PPP1R9A: variants seen among roughly 807,000 people sequenced by gnomAD.
PPP1R9A encodes protein phosphatase 1 regulatory subunit 9A.
A neutral mutation model predicts 141.9 loss-of-function variants in PPP1R9A; 59 were observed. That is an observed-to-expected ratio of 0.42 (90% CI 0.34 to 0.52). PPP1R9A has a LOEUF of 0.52. PPP1R9A is among the 20% of genes least tolerant of loss of function. PPP1R9A has a pLI of 0.10. For synonymous variants in PPP1R9A, 500 were observed against 569.7 expected, an observed-to-expected ratio of 0.88 and a Z score of 1.74; for missense variants, 1,444 against 1,611.9, an observed-to-expected ratio of 0.90 and a Z score of 1.78.
intron 2 of PPP1R9A, among the ~76,000 whole-genome samples, chr7:95,029,752 C>T (rs1380273597): frequency 6.6e-6 from 1 of 152,152 alleles, no homozygotes; most frequent in Non-Finnish European, 1.5e-5. Context: ...GCATGTCTTT[C>T]CTATCACACT....
chr7:95,034,986 G>A (rs1228090302), intron 2 of PPP1R9A, among the ~76,000 whole-genome samples: 2 of 152,122 alleles, frequency 1.3e-5, no homozygotes, highest in African/African-American at 4.8e-5. Flanking sequence ...ATCTGAACCA[G>A]GCTGTGTTTA....
At chr7:95,107,841 A>T (rs187926493) in intron 2 of PPP1R9A, among the ~76,000 whole-genome samples, 1 of 152,102 alleles carries the variant, frequency 6.6e-6, no homozygotes, top group African/African-American at 2.4e-5. Flanking sequence ...GGGTAAACTG[A>T]TATTTACAGT....
At chr7:95,274,037 A>G (rs778354943) in intron 15 of PPP1R9A, 48 bp from the exon 16 acceptor site, 15 of 1,498,960 alleles carry the variant, frequency 1.0e-5, no homozygotes, top group Non-Finnish European at 1.4e-5. Flanking sequence ...GGAGGATTGA[A>G]AGAGAAAATT....
intron 2 of PPP1R9A, among the ~76,000 whole-genome samples, chr7:95,057,915 G>A (rs1045217767): frequency 2.6e-5 from 4 of 152,122 alleles, no homozygotes; most frequent in Admixed American, 6.6e-5. Flanking sequence ...TAATAGATCA[G>A]GAATTGGGGA....
At chr7:95,069,487 A>G (rs763512101) in intron 2 of PPP1R9A, among the ~76,000 whole-genome samples, 5 of 151,990 alleles carry the variant, frequency 3.3e-5, no homozygotes, top group Non-Finnish European at 7.4e-5. Flanking sequence ...AGGGAGAGAG[A>G]GAAGAAAGGA....
chr7:95,040,982 T>C (rs1431950931), intron 2 of PPP1R9A, among the ~76,000 whole-genome samples: 2 of 152,162 alleles, frequency 1.3e-5, no homozygotes, highest in East Asian at 3.9e-4. Flanking sequence ...CAAACTATAG[T>C]TTGTGATTTC....
chr7:95,263,132 A>G (rs1183571030), intron 12 of PPP1R9A, among the ~76,000 whole-genome samples: 1 of 152,202 alleles, frequency 6.6e-6, no homozygotes, highest in African/African-American at 2.4e-5. Flanking sequence ...GCTTATATCA[A>G]CATGTGGAGA....
intron 14 of PPP1R9A, among the ~76,000 whole-genome samples, chr7:95,273,469 A>G (rs1323095745): frequency 1.3e-5 from 2 of 152,198 alleles, no homozygotes; most frequent in Non-Finnish European, 2.9e-5. Context: ...CTTTGGAGAT[A>G]CGGGAGAAGT....
chr7:95,220,280 C>A (rs1208876821), intron 7 of PPP1R9A, among the ~76,000 whole-genome samples: 1 of 152,096 alleles, frequency 6.6e-6, no homozygotes, highest in Admixed American at 6.6e-5. Context: ...AGGGAAGAAG[C>A]AGCTCTCCTT....
chr7:94,918,763 GA>G (rs1241993942), intron 2 of PPP1R9A, among the ~76,000 whole-genome samples: 1 of 152,160 alleles, frequency 6.6e-6, no homozygotes, highest in Non-Finnish European at 1.5e-5. Context: ...ACTTGAAGAA[GA>G]ATATAGGAGT....
At chr7:95,263,826 G>T (rs1015659644) in intron 12 of PPP1R9A, among the ~76,000 whole-genome samples, 3 of 152,104 alleles carry the variant, frequency 2.0e-5, no homozygotes, top group African/African-American at 7.2e-5. Context: ...TCTGCAACTT[G>T]CTTTACCCAC....
At chr7:95,266,088 T>G (rs1296834015) in intron 12 of PPP1R9A, among the ~76,000 whole-genome samples, 1 of 152,166 alleles carries the variant, frequency 6.6e-6, no homozygotes, top group African/African-American at 2.4e-5. Flanking sequence ...TGATTTTCTC[T>G]CACTTATATT....
rs1045550484 is a variant in PPP1R9A at position 95,251,907 on chromosome 7, C to A, written c.2493+49C>A. 2.5e-6 allele frequency: 4 copies of A among 1,609,182 alleles called. No homozygotes were observed. The Admixed American group carries it at 5.1e-5, about 20-fold the overall frequency. Reference sequence around the variant, plus strand: ...TAAATAATAAGATGGTTTTGCTGTACTTGGAGGGGAGCGCTAGTTTAGAGT... The same window carrying A: ...TAAATAATAAGATGGTTTTGCTGTAATTGGAGGGGAGCGCTAGTTTAGAGT... On this transcript the variant is annotated intron_variant, in intron 11 of 19. Coordinates refer to ENST00000433360, the MANE Select transcript of PPP1R9A (RefSeq NM_001166160.2).
chr7:95,278,012 A>G, intron 16 of PPP1R9A, among the ~76,000 whole-genome samples: 1 of 152,188 alleles, frequency 6.6e-6, no homozygotes, highest in East Asian at 1.9e-4. Flanking sequence ...TGAGAAAATG[A>G]TAAGGAAAGG....
intron 4 of PPP1R9A, among the ~76,000 whole-genome samples, chr7:95,126,060 A>G (rs530147209): frequency 1.7e-4 from 26 of 152,238 alleles, no homozygotes; most frequent in Middle Eastern, 3.4e-3. Context: ...TTCTAATAAA[A>G]TATTTTGCCT....
At chr7:94,998,272 G>C (rs926689429) in intron 2 of PPP1R9A, among the ~76,000 whole-genome samples, 1 of 152,228 alleles carries the variant, frequency 6.6e-6, no homozygotes, top group Admixed American at 6.5e-5. Context: ...TTATAGCTCT[G>C]TTGGTCTCTA....
intron 11 of PPP1R9A, 35 bp downstream of exon 11, chr7:95,251,893 A>G: frequency 5.6e-6 from 9 of 1,610,844 alleles, no homozygotes; most frequent in Non-Finnish European, 6.8e-6. Flanking sequence ...AAATAATAAG[A>G]TGGTTTTGCT....
At chr7:95,024,079 G>A (rs995624335) in intron 2 of PPP1R9A, among the ~76,000 whole-genome samples, 7 of 152,148 alleles carry the variant, frequency 4.6e-5, no homozygotes, top group Non-Finnish European at 1.0e-4. Flanking sequence ...CAGTTTCCAT[G>A]TAATTGTGTG....
chr7:95,251,911 G>C (rs565399980), intron 11 of PPP1R9A, 48 bp from the exon 12 acceptor site: 2 of 1,609,828 alleles, frequency 1.2e-6, no homozygotes, highest in Middle Eastern at 1.7e-4. Context: ...GCTGTACTTG[G>C]AGGGGAGCGC....
Sources: gnomAD v4.1 joint callset for allele counts (sites outside exome capture counted in the v4.1 genomes callset) on GRCh38, gnomAD v4.1.1 for gene constraint, MANE v1.5 for transcripts, NCBI Gene and HGNC (gene_info 2026-07-23, HGNC 2026-07-21) for gene names.